Variants in HSD17B4 observed in about 807,000 individuals in gnomAD.
HSD17B4 encodes peroxisomal multifunctional enzyme type 2.
In HSD17B4, 70 loss-of-function variants were observed where a neutral mutation model predicts 101.0. The ratio of observed to expected loss-of-function variants is 0.69; its 90% CI spans 0.57 to 0.85. The LOEUF is 0.85. Ranked by LOEUF, HSD17B4 falls within the 40% of genes least tolerant of loss-of-function variation. HSD17B4 has a pLI of 0.00. For missense variants in HSD17B4, 984 were observed against 892.4 expected (o/e 1.10, Z -1.31); for synonymous variants, 347 against 297.1 (o/e 1.17, Z -1.73).
At chr5:119,477,331 T>G in intron 6 of HSD17B4, 86 bp from the exon 7 acceptor site, 11 of 921,158 alleles carry the variant, frequency 1.2e-5, no homozygotes, top group Non-Finnish European at 1.9e-5. Flanking sequence ...TGAACATCTT[T>G]GTATAAATAC....
At chr5:119,456,145 A>G (rs1210855033) in intron 1 of HSD17B4, among the ~76,000 whole-genome samples, 170 bp from the exon 2 acceptor site, 1 of 152,206 alleles carries the variant, frequency 6.6e-6, no homozygotes, top group Non-Finnish European at 1.5e-5. Context: ...CAGCCTCTGC[A>G]AGCAGAAGAG....
intron 23 of HSD17B4, among the ~76,000 whole-genome samples, chr5:119,540,594 T>G (rs1054726569): frequency 1.9e-4 from 29 of 152,322 alleles, no homozygotes; most frequent in African/African-American, 7.0e-4. Flanking sequence ...TGTTTGTTTG[T>G]TTTTTGTAAC....
At position 119,457,325 on chromosome 5, in the gene HSD17B4, C is replaced by T. The variant is rs1025119828; in HGVS notation, c.112+957C>T. Among the ~76,000 whole-genome samples the T allele has an allele frequency of 5.9e-5, 9 of 152,254 alleles. No homozygotes were observed. The South Asian group carries it at 8.3e-4, about 14-fold the overall frequency. On this transcript the variant is annotated intron_variant, in intron 2 of 23. Coordinates refer to ENST00000510025, the MANE Select transcript of HSD17B4 (RefSeq NM_000414.4). ...ATCTTAACGAGGCAATACAGAGAGA[C>T]GAATTTTCATCAGTTTGTTCAGGGA...
rs917423439 is a variant in HSD17B4, at chr5:119,489,263, G to A, written c.694G>A (p.Glu232Lys). The change falls in exon 9 of 24, where the codon GAG becomes AAG. Residue 232 changes from glutamate (E) to lysine (K), a missense_variant. By Grantham distance (56) the Glu-to-Lys change is moderately conservative. Transcript: ENST00000510025. ...TTGGCTTTGTCACGAGAGTTGTGAG[G>A]AGAATGGTGGCTTGTTTGAGGTATT... The part of the protein sequence containing the change: ...VLWLCHESCE[E>K]NGGLFEVGAG... 9.3e-6 allele frequency: 15 copies of A among 1,611,932 alleles called. No individual in the cohort carries two copies. The highest frequency in any genetic ancestry group is 1.2e-5 in the Non-Finnish European group (14 of 1,178,328).
intron 4 of HSD17B4, among the ~76,000 whole-genome samples, chr5:119,475,002 A>G (rs573644538): frequency 6.6e-6 from 1 of 152,292 alleles, no homozygotes; most frequent in South Asian, 2.1e-4. Context: ...AGATGGAGAC[A>G]TCACGGAACA....
At chr5:119,454,715 G>A (rs1244155453) in intron 1 of HSD17B4, among the ~76,000 whole-genome samples, 2 of 152,004 alleles carry the variant, frequency 1.3e-5, no homozygotes, top group Non-Finnish European at 2.9e-5. Context: ...TCTGCCTTCC[G>A]GGTTCAAACA....
intron 17 of HSD17B4, among the ~76,000 whole-genome samples, chr5:119,523,883 C>T (rs1753338527): frequency 1.3e-5 from 2 of 152,074 alleles, no homozygotes; most frequent in South Asian, 4.1e-4. Context: ...GGTGAAGAAA[C>T]TTGCCCATTA....
intron 8 of HSD17B4, among the ~76,000 whole-genome samples, chr5:119,486,380 A>G (rs865776073): frequency 3.9e-5 from 6 of 152,124 alleles, no homozygotes; most frequent in African/African-American, 2.4e-5. Flanking sequence ...GAGCATTTCC[A>G]TAACTTGTGT....
chr5:119,506,757 C>T, intron 14 of HSD17B4, 61 bp from the exon 15 acceptor site: 1 of 927,950 alleles, frequency 1.1e-6, no homozygotes, highest in East Asian at 2.5e-5. Context: ...AATTCTTTCA[C>T]ATCTTATTAT....
At chr5:119,526,694 C>T (rs561145355) in intron 19 of HSD17B4, among the ~76,000 whole-genome samples, 6 of 151,710 alleles carry the variant, frequency 4.0e-5, no homozygotes, top group Non-Finnish European at 5.9e-5. Context: ...TTTTTATTAT[C>T]CAGTAATATA....
chr5:119,474,533 T>C, intron 4 of HSD17B4, 73 bp downstream of exon 4: 1 of 893,884 alleles, frequency 1.1e-6, no homozygotes, highest in Non-Finnish European at 1.9e-6. Context: ...TAAGTTGACT[T>C]TCATTTACTA....
intron 2 of HSD17B4, among the ~76,000 whole-genome samples, chr5:119,469,763 T>G (rs1756172985): frequency 6.6e-6 from 1 of 151,618 alleles, no homozygotes; most frequent in Non-Finnish European, 1.5e-5. Flanking sequence ...CTTTTTTCTC[T>G]ATGTATCAGT....
At chr5:119,516,451 GT>G (rs955718883) in intron 17 of HSD17B4, among the ~76,000 whole-genome samples, 3 of 149,010 alleles carry the variant, frequency 2.0e-5, no homozygotes, top group African/African-American at 7.4e-5. Flanking sequence ...TCTTTCTTTT[GT>G]TTTTTTTTCA....
chr5:119,522,812 A>T (rs1561483257), intron 17 of HSD17B4, among the ~76,000 whole-genome samples: 1 of 151,998 alleles, frequency 6.6e-6, no homozygotes, highest in Non-Finnish European at 1.5e-5. Context: ...ACCTTTCTGG[A>T]ATTGCCACTG....
chr5:119,476,943 A>C (rs1748643797), intron 6 of HSD17B4, among the ~76,000 whole-genome samples: 1 of 152,226 alleles, frequency 6.6e-6, no homozygotes, highest in Non-Finnish European at 1.5e-5. Context: ...TCTGTTCGTT[A>C]GATTGAAATT....
chr5:119,484,178 A>G (rs1749397963), intron 8 of HSD17B4, among the ~76,000 whole-genome samples: 2 of 152,198 alleles, frequency 1.3e-5, no homozygotes, highest in Admixed American at 1.3e-4. Context: ...TCTGCACTCC[A>G]GCCTGGGTAA....
chr5:119,509,295 C>T (rs780808933), intron 16 of HSD17B4, 51 bp downstream of exon 16: 1 of 1,096,444 alleles, frequency 9.1e-7, no homozygotes, highest in Non-Finnish European at 1.4e-6. Flanking sequence ...GGATTCTTAC[C>T]TATACAATTG....
intron 6 of HSD17B4, chr5:119,476,740 A>T: frequency 2.0e-6 from 2 of 983,456 alleles, no homozygotes; most frequent in Non-Finnish European, 2.4e-6. Flanking sequence ...TCCTTCTCTG[A>T]TTCCATCCTA....
intron 22 of HSD17B4, among the ~76,000 whole-genome samples, chr5:119,532,616 T>C (rs1754212825): frequency 6.6e-6 from 1 of 152,124 alleles, no homozygotes; most frequent in Non-Finnish European, 1.5e-5. Context: ...ATAACTAACA[T>C]ATTTTATAGT....
Sources: gnomAD v4.1 joint callset for allele counts (sites outside exome capture counted in the v4.1 genomes callset) on GRCh38, gnomAD v4.1.1 for gene constraint, MANE v1.5 for transcripts, NCBI Gene and HGNC (gene_info 2026-07-23, HGNC 2026-07-21) for gene names.